IL1RAP: variants seen among roughly 807,000 people sequenced by gnomAD.
IL1RAP encodes interleukin-1 receptor accessory protein.
In IL1RAP, 35 loss-of-function variants were observed where a neutral mutation model predicts 60.7. The observed-to-expected ratio is 0.58, with a 90% CI of 0.44 to 0.76. The LOEUF is 0.76. IL1RAP is among the 30% of genes least tolerant of loss of function. The probability of loss-of-function intolerance (pLI) is 0.00; values close to 1 mark genes in which losing one functional copy is unlikely to be tolerated. For synonymous variants in IL1RAP, 268 were observed against 250.9 expected (o/e 1.07, Z -0.64); for missense variants, 572 against 693.9 (o/e 0.82, Z 1.97).
chr3:190,593,775 A>G (rs1471319661), intron 3 of IL1RAP, among the ~76,000 whole-genome samples: 1 of 152,130 alleles, frequency 6.6e-6, no homozygotes, highest in African/African-American at 2.4e-5. Context: ...GGGAGCTACA[A>G]TTCAAGATGA....
intron 2 of IL1RAP, among the ~76,000 whole-genome samples, chr3:190,561,168 A>G (rs1368532755): frequency 6.6e-6 from 1 of 152,166 alleles, no homozygotes; most frequent in Non-Finnish European, 1.5e-5. Flanking sequence ...CAGTTCCTCC[A>G]TCTCTGACCC....
intron 1 of IL1RAP, among the ~76,000 whole-genome samples, chr3:190,536,548 C>A (rs1050267507): frequency 2.0e-5 from 3 of 152,048 alleles, no homozygotes; most frequent in Non-Finnish European, 4.4e-5. Context: ...TTAAGTAATC[C>A]TGAAGAAAAT....
intron 6 of IL1RAP, among the ~76,000 whole-genome samples, chr3:190,622,828 A>G (rs943462238): frequency 3.3e-5 from 5 of 152,132 alleles, no homozygotes; most frequent in African/African-American, 1.2e-4. Context: ...ATTATTGAGT[A>G]AAAGGACTGG....
chr3:190,629,158 A>G (rs1268768449), intron 8 of IL1RAP, among the ~76,000 whole-genome samples, 192 bp from the exon 9 acceptor site: 2 of 152,232 alleles, frequency 1.3e-5, no homozygotes, highest in African/African-American at 4.8e-5. Flanking sequence ...TGTAGCGTAG[A>G]TGGTATAGTA....
intron 2 of IL1RAP, chr3:190,563,456 T>C (rs1243578921): frequency 1.3e-5 from 2 of 152,150 alleles, no homozygotes; most frequent in Non-Finnish European, 2.9e-5. Flanking sequence ...AGATATTTCT[T>C]GGGTAGTAGA....
chr3:190,650,935 G>T lies in IL1RAP; in HGVS notation c.*2230G>T. ...GGATTCCATATTTATCCCAAATGCT[G>T]TTGGGCACCCCTAGAAATACCTTGA... On this transcript the variant is annotated 3_prime_UTR_variant, in exon 12 of 12. Transcript: ENST00000447382. 3.0e-6 allele frequency: 3 copies of T among 985,118 alleles called. No individual in the cohort carries two copies. Among genetic ancestry groups the T allele is most frequent in the Non-Finnish European group, 2.4e-6 (2 of 829,712 alleles). 61.0% of individuals were successfully genotyped at this position (985,118 alleles called of 1,614,324 possible). A position where few individuals can be genotyped will look rare whatever the true frequency, so the allele number is the denominator to read the frequency against.
intron 1 of IL1RAP, chr3:190,555,890 C>T (rs1445117301): frequency 6.6e-6 from 1 of 151,846 alleles, no homozygotes; most frequent in African/African-American, 2.4e-5. Context: ...TTTGCTTCCT[C>T]GGTTTAAAAT....
rs765800388 is a variant in IL1RAP, at chr3:190,649,297, T to C, written c.*592T>C. 2.1e-5 allele frequency: 21 copies of C among 985,056 alleles called. No individual in the cohort carries two copies. The highest frequency in any genetic ancestry group is 4.7e-5 in the South Asian group (1 of 21,290). The allele number at this position is 985,056 out of a possible 1,614,324, so 61.0% of individuals were successfully genotyped here. On this transcript the variant is annotated 3_prime_UTR_variant, in exon 12 of 12. Coordinates refer to ENST00000447382, the MANE Select transcript of IL1RAP (RefSeq NM_002182.4). Reference sequence around the variant, plus strand: ...TCTTTTAATTGATTTAAAGGACTTGTCTTCTATACCACCCTTGTCCTCATC... The same window carrying C: ...TCTTTTAATTGATTTAAAGGACTTGCCTTCTATACCACCCTTGTCCTCATC...
chr3:190,569,153 C>T (rs931840963), intron 3 of IL1RAP, among the ~76,000 whole-genome samples: 14 of 152,176 alleles, frequency 9.2e-5, no homozygotes, highest in Admixed American at 7.2e-4. Context: ...TTATGCAGGA[C>T]GGGAATTACT....
rs369635830 is a variant in IL1RAP at position 190,530,922 on chromosome 3, A to T, written c.-89+16703A>T. Among the ~76,000 whole-genome samples, 8 of 148,658 alleles carry T rather than the reference A, an allele frequency of 5.4e-5. No homozygotes were observed. In the East Asian group the frequency reaches 1.0e-3, roughly 19 times the overall value. ...ATTACAAGTGAAAAAACTGAAGCTC[A>T]GAGGTTGTGATGACCATCAAGTGGC... is the stretch of plus-strand genomic sequence containing the variant. On this transcript the variant is annotated intron_variant, in intron 1 of 11. Transcript: ENST00000447382.
At chr3:190,642,097 G>C (rs369824368) in intron 9 of IL1RAP, 1 of 152,184 alleles carries the variant, frequency 6.6e-6, no homozygotes, top group Non-Finnish European at 1.5e-5. Context: ...GAGAACTTCA[G>C]GTTCAGCTCC....
At chr3:190,528,368 T>C (rs1455827995) in intron 1 of IL1RAP, among the ~76,000 whole-genome samples, 1 of 152,234 alleles carries the variant, frequency 6.6e-6, no homozygotes, top group Non-Finnish European at 1.5e-5. Flanking sequence ...ACCGGGCATA[T>C]AATAAGAATA....
intron 4 of IL1RAP, among the ~76,000 whole-genome samples, chr3:190,607,981 G>C (rs566136408): frequency 2.0e-5 from 3 of 152,218 alleles, no homozygotes; most frequent in Non-Finnish European, 4.4e-5. Flanking sequence ...GGCGTTTTAT[G>C]ATCCTGAAAA....
At chr3:190,547,631 C>T (rs1266264892) in intron 1 of IL1RAP, among the ~76,000 whole-genome samples, 2 of 152,138 alleles carry the variant, frequency 1.3e-5, no homozygotes, top group African/African-American at 4.8e-5. Context: ...AGGCTGTTTT[C>T]TCCTATAGGC....
chr3:190,644,853 T>C (rs753791418), intron 10 of IL1RAP, among the ~76,000 whole-genome samples: 1 of 152,226 alleles, frequency 6.6e-6, no homozygotes, highest in Non-Finnish European at 1.5e-5. Context: ...CACATCTCAA[T>C]TCAAACCAGC....
At chr3:190,651,787 A>C (rs572316112), downstream of IL1RAP, among the ~76,000 whole-genome samples, 1 of 148,506 alleles carries the variant, frequency 6.7e-6, no homozygotes, top group South Asian at 2.1e-4. Flanking sequence ...GTGTATGTGT[A>C]TGTGTATGTG....
chr3:190,649,490 G>C lies in IL1RAP; in HGVS notation c.*785G>C. 1 of 985,770 alleles carries C rather than the reference G, an allele frequency of 1.0e-6. No homozygotes were observed. Among genetic ancestry groups the C allele is most frequent in the Non-Finnish European group, 1.2e-6 (1 of 829,916 alleles). The allele number at this position is 985,770 out of a possible 1,614,324, so 61.1% of individuals were successfully genotyped here. Reference sequence around the variant, plus strand: ...AGAGTTTGCAGGAGGCTCCATACTAGGTTCAGTCTGAAAGAAATCTCCTAA... The same window carrying C: ...AGAGTTTGCAGGAGGCTCCATACTACGTTCAGTCTGAAAGAAATCTCCTAA... On this transcript the variant is annotated 3_prime_UTR_variant, in exon 12 of 12. Transcript: ENST00000447382.
chr3:190,624,952 T>C, intron 7 of IL1RAP: 1 of 175,610 alleles, frequency 5.7e-6, no homozygotes, highest in Non-Finnish European at 1.3e-5. Context: ...AACTTGAGGG[T>C]GATGTTTCCG....
At chr3:190,522,961 G>T (rs1005302300) in intron 1 of IL1RAP, among the ~76,000 whole-genome samples, 29 of 152,100 alleles carry the variant, frequency 1.9e-4, no homozygotes, top group Admixed American at 3.9e-4. Flanking sequence ...ACCTAAGGAA[G>T]TTATTTAACT....
Sources: gnomAD v4.1 joint callset for allele counts (sites outside exome capture counted in the v4.1 genomes callset) on GRCh38, gnomAD v4.1.1 for gene constraint, MANE v1.5 for transcripts, NCBI Gene and HGNC (gene_info 2026-07-23, HGNC 2026-07-21) for gene names.